SUMF1: variants seen among roughly 807,000 people sequenced by gnomAD.
The protein encoded by SUMF1 is sulfatase modifying factor 1.
In SUMF1, 48 loss-of-function variants were observed where a neutral mutation model predicts 47.6. The observed-to-expected ratio is 1.01, with a 90% CI of 0.80 to 1.28. The LOEUF is 1.28. Ranked by LOEUF, SUMF1 falls within the 50% of genes most tolerant of loss-of-function variation. The pLI is 0.00. For missense variants in SUMF1, 571 were observed against 485.4 expected (o/e 1.18, Z -1.66); for synonymous variants, 230 against 192.1 (o/e 1.20, Z -1.63).
At chr3:4,151,545 G>A (rs1329870879) in intron 8 of SUMF1, among the ~76,000 whole-genome samples, 3 of 104,980 alleles carry the variant, frequency 2.9e-5, no homozygotes, top group East Asian at 2.8e-4. Flanking sequence ...GTATATATAT[G>A]TGTGTGTATA....
intron 8 of SUMF1, among the ~76,000 whole-genome samples, chr3:4,208,470 A>AG (rs35807383): frequency 8.8e-5 from 1 of 11,372 alleles, no homozygotes; most frequent in African/African-American, 6.6e-4. Flanking sequence ...TCTAGAAGGC[A>AG]AAAAAAAAAA....
At chr3:4,338,090 AC>A (rs1699192000) in intron 8 of SUMF1, among the ~76,000 whole-genome samples, 1 of 152,168 alleles carries the variant, frequency 6.6e-6, no homozygotes, top group African/African-American at 2.4e-5. Context: ...TAAATTATTG[AC>A]TATTTTGAGT....
chr3:4,357,555 C>A (rs1699646990), downstream of SUMF1, among the ~76,000 whole-genome samples: 1 of 151,516 alleles, frequency 6.6e-6, no homozygotes, highest in African/African-American at 2.4e-5. Context: ...ACCACCCCCA[C>A]CACACCCCTG....
intron 8 of SUMF1, among the ~76,000 whole-genome samples, chr3:4,233,847 AG>A (rs1696352427): frequency 6.6e-6 from 1 of 152,160 alleles, no homozygotes; most frequent in Non-Finnish European, 1.5e-5. Context: ...CCTTCCTCAA[AG>A]TAACAGCACC....
At chr3:4,118,493 G>C (rs1329858148) in intron 8 of SUMF1, among the ~76,000 whole-genome samples, 14 of 152,072 alleles carry the variant, frequency 9.2e-5, no homozygotes. Context: ...TAGTTTTCCT[G>C]AAGAACCTTT....
intron 8 of SUMF1, among the ~76,000 whole-genome samples, chr3:4,305,236 C>G (rs953454655): frequency 2.6e-5 from 4 of 152,138 alleles, no homozygotes; most frequent in African/African-American, 9.7e-5. Flanking sequence ...CAGGCGCCTA[C>G]AACCACGCCC....
At chr3:4,355,787 G>A (rs1225111825) in intron 8 of SUMF1, among the ~76,000 whole-genome samples, 7 of 152,164 alleles carry the variant, frequency 4.6e-5, no homozygotes. Flanking sequence ...CAATTACTCT[G>A]AACTGGAATC....
intron 8 of SUMF1, among the ~76,000 whole-genome samples, chr3:4,207,179 T>G (rs1026669068): frequency 1.3e-5 from 2 of 152,178 alleles, no homozygotes; most frequent in Non-Finnish European, 2.9e-5. Flanking sequence ...ACAATTGATT[T>G]TTGTATATTT....
chr3:4,211,542 T>C (rs920533346), intron 8 of SUMF1, among the ~76,000 whole-genome samples: 4 of 152,058 alleles, frequency 2.6e-5, no homozygotes, highest in Admixed American at 6.6e-5. Context: ...AATATCTTCA[T>C]GACCTTGAGG....
At chr3:4,440,111 C>T (rs1223926783) in intron 3 of SUMF1, among the ~76,000 whole-genome samples, 1 of 151,892 alleles carries the variant, frequency 6.6e-6, no homozygotes, top group African/African-American at 2.4e-5. Flanking sequence ...TGGCGGGAGC[C>T]TATAATCCCA....
chr3:4,127,242 G>A (rs1157291817), intron 8 of SUMF1, among the ~76,000 whole-genome samples: 1 of 152,186 alleles, frequency 6.6e-6, no homozygotes, highest in Non-Finnish European at 1.5e-5. Flanking sequence ...ATTTCATCCT[G>A]AAAGTGGTTG....
At chr3:4,410,431 T>C (rs1289664337) in intron 7 of SUMF1, among the ~76,000 whole-genome samples, 1 of 152,196 alleles carries the variant, frequency 6.6e-6, no homozygotes, top group African/African-American at 2.4e-5. Context: ...ACCCTTTCTC[T>C]TTCTCTCCAA....
At chr3:4,154,678 C>CA (rs1238844742) in intron 8 of SUMF1, among the ~76,000 whole-genome samples, 1 of 151,444 alleles carries the variant, frequency 6.6e-6, no homozygotes, top group Non-Finnish European at 1.5e-5. Flanking sequence ...TTCATCTATT[C>CA]AAAAAAATAT....
intron 8 of SUMF1, among the ~76,000 whole-genome samples, chr3:4,072,216 G>A (rs981151072): frequency 2.0e-5 from 3 of 152,134 alleles, no homozygotes; most frequent in Admixed American, 1.3e-4. Context: ...ACTGTCAGAA[G>A]GAAAACTAAC....
At chr3:4,366,078 A>G (rs1699944336) in intron 8 of SUMF1, among the ~76,000 whole-genome samples, 1 of 151,740 alleles carries the variant, frequency 6.6e-6, no homozygotes, top group African/African-American at 2.4e-5. Context: ...GTTTCTGCCG[A>G]GAGATCCGCT....
chr3:4,165,868 C>A (rs956256478), intron 8 of SUMF1, among the ~76,000 whole-genome samples: 1 of 143,814 alleles, frequency 7.0e-6, no homozygotes, highest in Admixed American at 6.9e-5. Flanking sequence ...TGTTTCCCCC[C>A]CCCCCCCGAG....
chr3:4,093,170 G>T (rs1408664099), intron 8 of SUMF1, among the ~76,000 whole-genome samples: 1 of 152,114 alleles, frequency 6.6e-6, no homozygotes, highest in Non-Finnish European at 1.5e-5. Flanking sequence ...AGAATGGCTA[G>T]CTCAGGAATT....
At chr3:4,233,358 T>A (rs1696342690) in intron 8 of SUMF1, among the ~76,000 whole-genome samples, 1 of 152,150 alleles carries the variant, frequency 6.6e-6, no homozygotes. Flanking sequence ...ACATTTCTTG[T>A]AGGGAGTTTT....
chr3:4,329,237 C>T (rs1699002721), intron 8 of SUMF1, among the ~76,000 whole-genome samples: 1 of 152,230 alleles, frequency 6.6e-6, no homozygotes, highest in Admixed American at 6.5e-5. Flanking sequence ...CACAGCTCCA[C>T]TAGGCAGTGC....
Sources: gnomAD v4.1 joint callset for allele counts (sites outside exome capture counted in the v4.1 genomes callset) on GRCh38, gnomAD v4.1.1 for gene constraint, MANE v1.5 for transcripts, NCBI Gene and HGNC (gene_info 2026-07-23, HGNC 2026-07-21) for gene names.